Variants in SLC16A2 observed in about 807,000 individuals in gnomAD.
SLC16A2 encodes the protein monocarboxylate transporter 8.
SLC16A2 carries 3 observed loss-of-function variants against 27.2 expected under a neutral mutation model. The observed-to-expected ratio is 0.11, with a 90% confidence interval of 0.05 to 0.28. SLC16A2 has a LOEUF of 0.28. SLC16A2 is among the 10% of genes least tolerant of loss of function. The probability of loss-of-function intolerance (pLI) is 1.00; values close to 1 mark genes in which losing one functional copy is unlikely to be tolerated. For synonymous variants in SLC16A2, 202 were observed against 187.8 expected, an observed-to-expected ratio of 1.08 and a Z score of -0.62; for missense variants, 295 against 458.5, an observed-to-expected ratio of 0.64 and a Z score of 3.26.
intron 1 of SLC16A2, among the ~76,000 whole-genome samples, chrX:74,504,845 A>G: frequency 9.0e-6 from 1 of 111,599 alleles, no homozygotes; most frequent in Non-Finnish European, 1.9e-5. Context: ...TACAAAAATT[A>G]GCGGAGTGTA....
At chrX:74,471,619 G>A (rs769400958) in intron 1 of SLC16A2, among the ~76,000 whole-genome samples, 6 of 111,625 alleles carry the variant, frequency 5.4e-5, no homozygotes, top group Non-Finnish European at 1.1e-4. Context: ...GCCCCTTGAA[G>A]CACAAGTTTT....
At chrX:74,451,950 T>C (rs1280471242) in intron 1 of SLC16A2, among the ~76,000 whole-genome samples, 1 of 112,612 alleles carries the variant, frequency 8.9e-6, no homozygotes, top group African/African-American at 3.2e-5. Flanking sequence ...ATAAGGGGCT[T>C]AGAGGATCCT....
At chrX:74,434,054 C>A (rs1253536964) in intron 1 of SLC16A2, among the ~76,000 whole-genome samples, 7 of 111,858 alleles carry the variant, frequency 6.3e-5, no homozygotes, top group Non-Finnish European at 1.3e-4. Context: ...CCTCCCTATA[C>A]CTTCCACCTC....
At chrX:74,507,572 CAT>C (rs1434548277) in intron 1 of SLC16A2, among the ~76,000 whole-genome samples, 1 of 112,076 alleles carries the variant, frequency 8.9e-6, no homozygotes, top group East Asian at 2.8e-4. Context: ...TACCTGCACT[CAT>C]ATGTTTATTA....
At chrX:74,485,367 AT>A (rs1382855556) in intron 1 of SLC16A2, among the ~76,000 whole-genome samples, 1 of 110,986 alleles carries the variant, frequency 9.0e-6, no homozygotes, top group Non-Finnish European at 1.9e-5. Flanking sequence ...AAACATAAGC[AT>A]TTTTCTAGAA....
At chrX:74,438,044 G>A in intron 1 of SLC16A2, among the ~76,000 whole-genome samples, 1 of 112,458 alleles carries the variant, frequency 8.9e-6, no homozygotes, top group Admixed American at 9.4e-5. Context: ...TCTGTTTTTA[G>A]CACTAAAGGA....
At chrX:74,470,921 G>C (rs183284591) in intron 1 of SLC16A2, among the ~76,000 whole-genome samples, 137 of 110,908 alleles carry the variant, frequency 1.2e-3, no homozygotes, top group African/African-American at 4.1e-3. Flanking sequence ...CTGGGCTACA[G>C]AGCGAGACTC....
intron 1 of SLC16A2, among the ~76,000 whole-genome samples, chrX:74,486,352 G>A (rs1929721053): frequency 8.9e-6 from 1 of 112,209 alleles, no homozygotes; most frequent in African/African-American, 3.2e-5. Context: ...TGGGATGGAT[G>A]CAAAAGTGAC....
chrX:74,490,609 C>A (rs1929809303), intron 1 of SLC16A2, among the ~76,000 whole-genome samples: 1 of 111,153 alleles, frequency 9.0e-6, no homozygotes, highest in Non-Finnish European at 1.9e-5. Context: ...TGGGGGTTCC[C>A]TGTAGGGCCA....
At chrX:74,483,057 T>A (rs1048877981) in intron 1 of SLC16A2, among the ~76,000 whole-genome samples, 1 of 111,212 alleles carries the variant, frequency 9.0e-6, no homozygotes, top group Non-Finnish European at 1.9e-5. Context: ...ATATTTATAG[T>A]AGCTGCTTTG....
At chrX:74,448,302 AT>A (rs144467927) in intron 1 of SLC16A2, among the ~76,000 whole-genome samples, 5,075 of 64,144 alleles carry the variant, frequency 0.079, 412 homozygotes, top group African/African-American at 0.26. Context: ...AATCCTTTGG[AT>A]TTTTTTTTTT....
intron 1 of SLC16A2, among the ~76,000 whole-genome samples, chrX:74,495,716 C>T (rs1461226304): frequency 9.0e-6 from 1 of 110,903 alleles, no homozygotes. Flanking sequence ...CCCATACATT[C>T]CTTGGTAAAT....
At chrX:74,521,417 C>T (rs189744935) in intron 2 of SLC16A2, among the ~76,000 whole-genome samples, 57 of 112,369 alleles carry the variant, frequency 5.1e-4, no homozygotes, top group African/African-American at 1.6e-3. Flanking sequence ...CCGGTTTTGG[C>T]CACTGAATGG....
intron 1 of SLC16A2, among the ~76,000 whole-genome samples, chrX:74,498,218 A>G (rs1390816979): frequency 8.9e-6 from 1 of 112,155 alleles, no homozygotes; most frequent in Non-Finnish European, 1.9e-5. Context: ...TAGTTAGACA[A>G]TAACCAGCCA....
At chrX:74,445,954 A>C (rs1187167538) in intron 1 of SLC16A2, among the ~76,000 whole-genome samples, 2 of 110,896 alleles carry the variant, frequency 1.8e-5, no homozygotes, top group Non-Finnish European at 3.8e-5. Flanking sequence ...CTTAGCAACC[A>C]AGGTCAGATT....
chrX:74,482,410 T>C (rs1929638095), intron 1 of SLC16A2, among the ~76,000 whole-genome samples: 1 of 111,850 alleles, frequency 8.9e-6, no homozygotes, highest in Non-Finnish European at 1.9e-5. Context: ...CTCTTCTCTT[T>C]GGGAATCCCA....
intron 1 of SLC16A2, among the ~76,000 whole-genome samples, chrX:74,446,788 T>A (rs189021503): frequency 1.6e-4 from 18 of 112,524 alleles, no homozygotes; most frequent in Non-Finnish European, 2.8e-4. Context: ...TCCAGTAGAT[T>A]CTGCCACATA....
intron 1 of SLC16A2, chrX:74,473,765 G>T: frequency 1.4e-6 from 1 of 722,407 alleles, no homozygotes; most frequent in Non-Finnish European, 2.2e-6. Flanking sequence ...GGTGTCATAT[G>T]TGACAAATCC....
chrX:74,438,928 C>T (rs1928673626), intron 1 of SLC16A2, among the ~76,000 whole-genome samples: 1 of 111,860 alleles, frequency 8.9e-6, no homozygotes, highest in Admixed American at 9.5e-5. Flanking sequence ...CGACTCTAGC[C>T]TGCACAGCAT....
Sources: allele counts gnomAD v4.1 joint callset (sites outside exome capture counted in the v4.1 genomes callset), GRCh38; gene constraint gnomAD v4.1.1; transcripts MANE v1.5; gene names NCBI Gene and HGNC (gene_info 2026-07-23, HGNC 2026-07-21).